Variants in MGAT5 observed in about 807,000 individuals in gnomAD.
MGAT5 encodes alpha-1,6-mannosylglycoprotein 6-beta-N-acetylglucosaminyltransferase.
In MGAT5, 30 loss-of-function variants were observed where a neutral mutation model predicts 94.3. That is an observed-to-expected ratio of 0.32 (90% CI 0.24 to 0.43). The LOEUF is 0.43. Among genes scored for constraint, MGAT5 ranks in the 20% least tolerant of loss-of-function variants. The pLI, the probability that MGAT5 is intolerant of heterozygous loss-of-function variation, is 1.00. For synonymous variants in MGAT5, 310 were observed against 322.9 expected, an observed-to-expected ratio of 0.96 and a Z score of 0.43; for missense variants, 691 against 905.5, an observed-to-expected ratio of 0.76 and a Z score of 3.04.
intron 1 of MGAT5, among the ~76,000 whole-genome samples, chr2:134,152,200 C>T (rs1201923164): frequency 6.8e-6 from 1 of 148,062 alleles, no homozygotes; most frequent in Non-Finnish European, 1.5e-5. Context: ...CTGCCCACCG[C>T]CATGGGAACT....
chr2:134,416,765 ATTTT>A (rs10548586), intron 12 of MGAT5, among the ~76,000 whole-genome samples: 3,158 of 130,664 alleles, frequency 0.024, 74 homozygotes, highest in East Asian at 0.15. Flanking sequence ...CAGCTAATTA[ATTTT>A]TTTTTTTTTT....
intron 2 of MGAT5, among the ~76,000 whole-genome samples, chr2:134,313,614 TA>T (rs908517850): frequency 2.0e-5 from 3 of 152,072 alleles, no homozygotes; most frequent in East Asian, 1.9e-4. Flanking sequence ...TTTCAACATT[TA>T]AAAAAAATGG....
chr2:134,216,249 C>T (rs1173211421), intron 1 of MGAT5, among the ~76,000 whole-genome samples: 2 of 152,130 alleles, frequency 1.3e-5, no homozygotes, highest in Admixed American at 6.5e-5. Context: ...AGTATTAAAC[C>T]GGGACACTTA....
At chr2:134,371,263 C>G (rs753592935) in intron 10 of MGAT5, among the ~76,000 whole-genome samples, 47 of 152,296 alleles carry the variant, frequency 3.1e-4, no homozygotes, top group Non-Finnish European at 6.2e-4. Flanking sequence ...GCCCTCCCAG[C>G]AGCTTTCTGA....
chr2:134,446,358 G>A (rs373190121), intron 15 of MGAT5, among the ~76,000 whole-genome samples: 6 of 152,126 alleles, frequency 3.9e-5, no homozygotes, highest in South Asian at 4.1e-4. Context: ...GAGAGTCGCC[G>A]TAGAGATTTC....
Position 134,162,062 on chromosome 2 carries a change from C to A in MGAT5, c.-143+41771C>A, listed in dbSNP as rs73007408. Among the ~76,000 whole-genome samples the A allele has an allele frequency of 6.4e-4, 97 of 151,522 alleles. No individual in the cohort carries two copies. In the Middle Eastern group the frequency reaches 0.017, roughly 27 times the overall value. On this transcript the variant is annotated intron_variant, in intron 1 of 16. Coordinates refer to the MGAT5 transcript ENST00000409645. ...AAAATTAGCTGGTCATGGTGGTGCACGCCTGTAACTCCAACTGCTTGGGAG... is the reference window on the plus strand; with the variant it reads ...AAAATTAGCTGGTCATGGTGGTGCAAGCCTGTAACTCCAACTGCTTGGGAG...
intron 2 of MGAT5, among the ~76,000 whole-genome samples, chr2:134,287,557 A>G (rs538677034): frequency 1.3e-5 from 2 of 152,322 alleles, no homozygotes; most frequent in South Asian, 2.1e-4. Context: ...AGGGAACCAT[A>G]GATGACGTTG....
rs1303188567 is a variant in MGAT5, at chr2:134,349,919, G to A, written c.1227G>A (p.Gln409=). The change falls in exon 9 of 16, where the codon CAG becomes CAA. Residue 409 remains glutamine, a synonymous_variant. Transcript: ENST00000281923. ...GGGGAAAATGGAATCTGAACCCTCA[G>A]CAGTTTTATACCATGTTCCGTGAGT... The part of the protein sequence containing the change: ...TPWGKWNLNP[Q]QFYTMFPHTP... The A allele has an allele frequency of 1.7e-5, 28 of 1,613,324 alleles. No homozygotes were observed. Among genetic ancestry groups the A allele is most frequent in the Non-Finnish European group, 2.4e-5 (28 of 1,179,592 alleles).
chr2:134,448,986 T>A lies in MGAT5; in HGVS notation c.*139T>A. ...TTCGTAGAAGGTTCTGAATTGGCAT[T>A]GCCCTTGCTGCACTCCGAGCAACCC... On this transcript the variant is annotated 3_prime_UTR_variant, in exon 16 of 16. Coordinates refer to ENST00000281923, the MANE Select transcript of MGAT5 (RefSeq NM_002410.5). 1.2e-6 allele frequency: 1 copy of A among 811,898 alleles called. No individual in the cohort carries two copies. The highest frequency in any genetic ancestry group is 1.9e-6 in the Non-Finnish European group (1 of 519,104). The allele number at this position is 811,898 out of a possible 1,614,324, so 50.3% of individuals were successfully genotyped here.
At chr2:134,414,928 A>G (rs1480560781) in intron 12 of MGAT5, among the ~76,000 whole-genome samples, 3 of 152,168 alleles carry the variant, frequency 2.0e-5, no homozygotes, top group African/African-American at 7.2e-5. Flanking sequence ...TATTTTCCAC[A>G]TTCATCCATG....
chr2:134,376,166 G>C (rs4954138), intron 10 of MGAT5, among the ~76,000 whole-genome samples: 109,803 of 152,084 alleles, frequency 0.72, 41,021 homozygotes, highest in East Asian at 0.91. Flanking sequence ...CAGCAGCACT[G>C]TCTGTGTTTT....
intron 1 of MGAT5, among the ~76,000 whole-genome samples, chr2:134,204,847 AT>A (rs1336306196): frequency 6.6e-6 from 1 of 152,204 alleles, no homozygotes; most frequent in Non-Finnish European, 1.5e-5. Context: ...TCGACAAACA[AT>A]TAAGACTGCT....
chr2:134,337,122 G>A (rs1012223698), intron 5 of MGAT5, among the ~76,000 whole-genome samples: 5 of 152,160 alleles, frequency 3.3e-5, no homozygotes, highest in African/African-American at 1.2e-4. Context: ...TAGCCCAAGG[G>A]CTGTAGTTTG....
Position 134,273,026 on chromosome 2 carries a change from CGCGCGTGCGCGT to C in MGAT5, c.406+2479_406+2490del, listed in dbSNP as rs140940733. Among the ~76,000 whole-genome samples, 770 of 151,720 alleles carry C rather than the reference CGCGCGTGCGCGT, an allele frequency of 5.1e-3. 12 individuals carry two copies. Among genetic ancestry groups the C allele is most frequent in the Admixed American group, 0.022 (341 of 15,226 alleles). The stretch of plus-strand genomic sequence containing the variant: ...GTGTGTGTCTGTGTGTGTGTGCGCG[CGCGCGTGCGCGT>C]GCATGCATGCAGAGGCATCCCTTTC... On this transcript the variant is annotated intron_variant, in intron 2 of 15. Coordinates refer to ENST00000281923, the MANE Select transcript of MGAT5 (RefSeq NM_002410.5).
chr2:134,189,602 G>GTTTTTTTTTTTTTTTTTT (rs912983981), intron 1 of MGAT5, among the ~76,000 whole-genome samples: 1,257 of 84,522 alleles, frequency 0.015, 148 homozygotes, highest in Non-Finnish European at 0.021. Flanking sequence ...GTTTTTTTTT[G>GTTTTTTTTTTTTTTTTTT]TTTTTTTTTT....
intron 2 of MGAT5, among the ~76,000 whole-genome samples, chr2:134,290,842 C>T (rs758669481): frequency 6.6e-6 from 1 of 152,172 alleles, no homozygotes; most frequent in African/African-American, 2.4e-5. Context: ...TGGAATAATT[C>T]TCTCAGATGA....
intron 10 of MGAT5, among the ~76,000 whole-genome samples, chr2:134,377,097 G>A (rs1681230828): frequency 6.6e-6 from 1 of 152,196 alleles, no homozygotes; most frequent in Admixed American, 6.5e-5. Flanking sequence ...AGCTATGTCT[G>A]GGAACCTGTT....
chr2:134,332,562 G>A (rs1688042041), intron 4 of MGAT5, among the ~76,000 whole-genome samples: 1 of 152,088 alleles, frequency 6.6e-6, no homozygotes, highest in African/African-American at 2.4e-5. Flanking sequence ...CAAAAGCAAT[G>A]GCAACAAAAG....
chr2:134,429,801 C>T (rs564005833), intron 14 of MGAT5, among the ~76,000 whole-genome samples: 50 of 152,338 alleles, frequency 3.3e-4, no homozygotes, highest in Middle Eastern at 6.8e-3. Context: ...CTAGCAACCA[C>T]ATCCATACAG....
Sources: gnomAD v4.1 joint callset for allele counts (sites outside exome capture counted in the v4.1 genomes callset) on GRCh38, gnomAD v4.1.1 for gene constraint, MANE v1.5 for transcripts, NCBI Gene and HGNC (gene_info 2026-07-23, HGNC 2026-07-21) for gene names.